JMJD1C: variants seen among roughly 807,000 people sequenced by gnomAD.
The protein encoded by JMJD1C is jumonji domain-containing protein 1C.
In JMJD1C, 31 loss-of-function variants were observed where a neutral mutation model predicts 245.3. The ratio of observed to expected loss-of-function variants is 0.13; its 90% CI spans 0.09 to 0.17. The LOEUF (loss-of-function observed/expected upper bound fraction) is 0.17, where lower values mean the gene tolerates loss of function less well. Among genes scored for constraint, JMJD1C ranks in the 10% least tolerant of loss-of-function variants. The probability of loss-of-function intolerance (pLI) is 1.00; values close to 1 mark genes in which losing one functional copy is unlikely to be tolerated. For missense variants in JMJD1C, 2,691 were observed against 3,000.2 expected (o/e 0.90, Z 2.41); for synonymous variants, 1,057 against 1,017.4 (o/e 1.04, Z -0.74).
chr10:63,411,887 G>A (rs966523830), intron 1 of JMJD1C, among the ~76,000 whole-genome samples: 1 of 149,782 alleles, frequency 6.7e-6, no homozygotes, highest in Non-Finnish European at 1.5e-5. Flanking sequence ...ACAGGCGTAA[G>A]CCACAGCGCC....
intron 2 of JMJD1C, among the ~76,000 whole-genome samples, chr10:63,279,711 G>C (rs541665930): frequency 7.9e-5 from 12 of 152,344 alleles, no homozygotes; most frequent in Admixed American, 3.9e-4. Context: ...AGCCATGTTT[G>C]TGCCACTGTA....
At chr10:63,181,145 C>T (rs537951845) in intron 22 of JMJD1C, among the ~76,000 whole-genome samples, 1 of 152,264 alleles carries the variant, frequency 6.6e-6, no homozygotes, top group African/African-American at 2.4e-5. Flanking sequence ...GGATTACAGG[C>T]ATGAGCCACC....
intron 3 of JMJD1C, among the ~76,000 whole-genome samples, chr10:63,221,752 G>C (rs1235954959): frequency 1.3e-5 from 2 of 152,136 alleles, no homozygotes; most frequent in Admixed American, 6.5e-5. Context: ...ACGGAGTTTT[G>C]CTCTTGTTGC....
intron 1 of JMJD1C, among the ~76,000 whole-genome samples, chr10:63,447,129 C>T (rs952941958): frequency 6.6e-6 from 1 of 150,952 alleles, no homozygotes; most frequent in African/African-American, 2.4e-5. Flanking sequence ...TCTCAAGAGA[C>T]TCTTAACAAG....
chr10:63,373,270 T>G (rs1482919974), intron 2 of JMJD1C, among the ~76,000 whole-genome samples: 1 of 152,208 alleles, frequency 6.6e-6, no homozygotes, highest in Non-Finnish European at 1.5e-5. Context: ...CTTCAGCATC[T>G]TACATGTGGT....
intron 1 of JMJD1C, among the ~76,000 whole-genome samples, chr10:63,431,301 A>C (rs963978513): frequency 6.6e-6 from 1 of 152,246 alleles, no homozygotes; most frequent in African/African-American, 2.4e-5. Flanking sequence ...AAGTTAAGAG[A>C]ATAAAAGCTA....
At chr10:63,187,693 G>T (rs916046322) in intron 18 of JMJD1C, among the ~76,000 whole-genome samples, 1 of 152,116 alleles carries the variant, frequency 6.6e-6, no homozygotes, top group Non-Finnish European at 1.5e-5. Flanking sequence ...GTCCCACCTT[G>T]GCCTCCCAAA....
At chr10:63,456,776 C>T (rs1231995361) in intron 1 of JMJD1C, among the ~76,000 whole-genome samples, 2 of 152,024 alleles carry the variant, frequency 1.3e-5, no homozygotes, top group South Asian at 4.1e-4. Context: ...ACAGAAAATA[C>T]TGGAAGAAAC....
chr10:63,310,990 T>C (rs1483498112), intron 2 of JMJD1C, among the ~76,000 whole-genome samples: 1 of 152,112 alleles, frequency 6.6e-6, no homozygotes, highest in Non-Finnish European at 1.5e-5. Flanking sequence ...AAATAGGAAC[T>C]TTCAAAAAGA....
intron 1 of JMJD1C, among the ~76,000 whole-genome samples, chr10:63,504,543 A>C (rs1026731301): frequency 1.3e-5 from 2 of 152,192 alleles, no homozygotes; most frequent in Admixed American, 6.5e-5. Context: ...AATAGGACTG[A>C]AGCTTAGTGG....
chr10:63,487,387 T>C (rs780162351), intron 1 of JMJD1C, among the ~76,000 whole-genome samples: 12 of 152,206 alleles, frequency 7.9e-5, no homozygotes, highest in Non-Finnish European at 1.8e-4. Context: ...CATTTGGCAA[T>C]GTCTGGAAAC....
At position 63,352,738 on chromosome 10, in the gene JMJD1C, C is replaced by T. The variant is rs182608324; in HGVS notation, c.333+27580G>A. ...ACAGTAAAAATAATATACAGTTGAC[C>T]GCTGAACAAGAGAGGTTTGAAATGC... On this transcript the variant is annotated intron_variant, in intron 2 of 25. Coordinates refer to ENST00000399262, the MANE Select transcript of JMJD1C (RefSeq NM_032776.3). Among the ~76,000 whole-genome samples the T allele has an allele frequency of 2.4e-3, 358 of 151,944 alleles. 1 individual carries two copies. Among genetic ancestry groups the T allele is most frequent in the African/African-American group, 8.3e-3 (345 of 41,430 alleles).
intron 2 of JMJD1C, among the ~76,000 whole-genome samples, chr10:63,337,774 G>A (rs145696635): frequency 3.9e-5 from 6 of 152,048 alleles, no homozygotes; most frequent in African/African-American, 1.2e-4. Flanking sequence ...CAGAAGATGT[G>A]TGATCATGCT....
At chr10:63,421,707 C>T (rs764440610) in intron 1 of JMJD1C, among the ~76,000 whole-genome samples, 4 of 151,906 alleles carry the variant, frequency 2.6e-5, no homozygotes, top group Non-Finnish European at 5.9e-5. Flanking sequence ...TGGGTGAGAC[C>T]CTGAAGTGAA....
At chr10:63,242,819 ACT>A (rs1481602776) in intron 3 of JMJD1C, among the ~76,000 whole-genome samples, 6 of 151,888 alleles carry the variant, frequency 4.0e-5, no homozygotes, top group Non-Finnish European at 4.4e-5. Context: ...TATTTTCTTA[ACT>A]CTGACCATAT....
intron 3 of JMJD1C, among the ~76,000 whole-genome samples, chr10:63,252,918 T>C (rs940226808): frequency 2.0e-5 from 3 of 152,248 alleles, no homozygotes; most frequent in Non-Finnish European, 4.4e-5. Context: ...CAGCAATAAA[T>C]GAATGCCTAT....
chr10:63,197,323 G>T (rs963562550), intron 13 of JMJD1C, 88 bp downstream of exon 13: 3 of 1,112,590 alleles, frequency 2.7e-6, no homozygotes, highest in Non-Finnish European at 2.6e-6. Flanking sequence ...AGGAAAGTAG[G>T]AATAAAAAAA....
intron 1 of JMJD1C, among the ~76,000 whole-genome samples, chr10:63,511,583 G>A (rs1251506568): frequency 6.6e-6 from 1 of 152,066 alleles, no homozygotes; most frequent in Non-Finnish European, 1.5e-5. Context: ...AGTGGCAGGC[G>A]CCTGTAATCC....
intron 1 of JMJD1C, among the ~76,000 whole-genome samples, chr10:63,398,019 A>G (rs960694236): frequency 1.3e-5 from 2 of 152,246 alleles, no homozygotes; most frequent in African/African-American, 4.8e-5. Context: ...AGACAGTAAC[A>G]GCAGATTTCC....
Sources: gnomAD v4.1 joint callset for allele counts (sites outside exome capture counted in the v4.1 genomes callset) on GRCh38, gnomAD v4.1.1 for gene constraint, MANE v1.5 for transcripts, NCBI Gene and HGNC (gene_info 2026-07-23, HGNC 2026-07-21) for gene names.